AMPH: variants seen among roughly 807,000 people sequenced by gnomAD.
AMPH encodes amphiphysin (Stiff-Mann syndrome with breast cancer 128kD autoantigen).
A neutral mutation model predicts 99.1 loss-of-function variants in AMPH; 49 were observed. The ratio of observed to expected loss-of-function variants is 0.49; its 90% CI spans 0.39 to 0.63. AMPH has a LOEUF of 0.63. AMPH is among the 20% of genes least tolerant of loss of function. The probability of loss-of-function intolerance (pLI) is 0.00; values close to 1 mark genes in which losing one functional copy is unlikely to be tolerated. For missense variants in AMPH, 759 were observed against 863.4 expected (o/e 0.88, Z 1.52); for synonymous variants, 314 against 317.3 (o/e 0.99, Z 0.11).
chr7:38,582,894 C>A (rs1202492002), intron 1 of AMPH, among the ~76,000 whole-genome samples: 2 of 152,164 alleles, frequency 1.3e-5, no homozygotes, highest in Non-Finnish European at 2.9e-5. Flanking sequence ...ATGAATAAGA[C>A]CATCCTTCAC....
At chr7:38,514,608 G>A (rs1389541608) in intron 2 of AMPH, among the ~76,000 whole-genome samples, 1 of 152,154 alleles carries the variant, frequency 6.6e-6, no homozygotes, top group Non-Finnish European at 1.5e-5. Context: ...ATTATCATGT[G>A]AGTGGCCTAG....
At chr7:38,579,332 A>C (rs1239736304) in intron 1 of AMPH, among the ~76,000 whole-genome samples, 3 of 152,194 alleles carry the variant, frequency 2.0e-5, no homozygotes, top group Admixed American at 6.5e-5. Flanking sequence ...GGTCCAGTGG[A>C]AACATGGCCA....
chr7:38,491,420 C>A (rs1788714943), intron 4 of AMPH, among the ~76,000 whole-genome samples: 1 of 152,054 alleles, frequency 6.6e-6, no homozygotes, highest in South Asian at 2.1e-4. Context: ...TCAAAAGATC[C>A]CCATAACCCT....
At chr7:38,599,394 T>G (rs1793168777) in intron 1 of AMPH, among the ~76,000 whole-genome samples, 1 of 152,238 alleles carries the variant, frequency 6.6e-6, no homozygotes, top group Admixed American at 6.5e-5. Context: ...CCAATTCCAC[T>G]TAATGAATAG....
intron 17 of AMPH, among the ~76,000 whole-genome samples, chr7:38,413,077 C>G (rs1785260525): frequency 1.3e-5 from 2 of 152,208 alleles, no homozygotes; most frequent in South Asian, 4.1e-4. Context: ...TCACATGCTT[C>G]TGCTTATTTG....
At chr7:38,390,989 GAGAGAGAGAGAGAGAGAGAGAGAGA>G (rs1784474107) in intron 19 of AMPH, among the ~76,000 whole-genome samples, 1 of 60,494 alleles carries the variant, frequency 1.7e-5, no homozygotes, top group Non-Finnish European at 3.5e-5. Context: ...GAGAGAGAGA[GAGAGAGAGAGAGAGAGAGAGAGAGA>G]GAATGATACA....
chr7:38,503,499 G>GGA, intron 3 of AMPH, 151 bp downstream of exon 3: 1 of 546,646 alleles, frequency 1.8e-6, no homozygotes, highest in Non-Finnish European at 3.2e-6. Flanking sequence ...TTGGGGCGGG[G>GGA]GGGTGGGTGG....
At position 38,473,469 on chromosome 7, in the gene AMPH, C is replaced by T. The variant is rs1289824951; in HGVS notation, c.590+1862G>A. Among the ~76,000 whole-genome samples the T allele has an allele frequency of 4.5e-5, 3 of 66,148 alleles. 1 individual carries two copies. The highest frequency in any genetic ancestry group is 2.1e-4 in the African/African-American group (3 of 14,216). 43.4% of individuals were successfully genotyped at this position (66,148 alleles called of 152,430 possible). On this transcript the variant is annotated intron_variant, in intron 7 of 20. Transcript: ENST00000356264. ...CCTGTAATCCCAGCACTTTGGGAGGCCGAGGCGGGTGGATCATGAGGTCAG... is the reference window on the plus strand; with the variant it reads ...CCTGTAATCCCAGCACTTTGGGAGGTCGAGGCGGGTGGATCATGAGGTCAG...
At chr7:38,430,014 G>T in intron 13 of AMPH, 149 bp from the exon 14 acceptor site, 1 of 727,532 alleles carries the variant, frequency 1.4e-6, no homozygotes, top group South Asian at 2.6e-5. Flanking sequence ...TTTGTGATAG[G>T]AATGATTTTT....
intron 1 of AMPH, among the ~76,000 whole-genome samples, chr7:38,620,163 C>G (rs1794001416): frequency 6.6e-6 from 1 of 152,224 alleles, no homozygotes; most frequent in East Asian, 1.9e-4. Context: ...GCTGATTATT[C>G]CTAAGTCCAA....
In AMPH at chr7:38,438,163, A is replaced by T. The variant is rs560735166; in HGVS notation, c.1018-1775T>A. Among the ~76,000 whole-genome samples, 14 of 152,330 alleles carry T rather than the reference A, an allele frequency of 9.2e-5. No individual in the cohort carries two copies. In the South Asian group the frequency reaches 2.7e-3, roughly 29 times the overall value. ...GGAGTATGATAGGCACTGTTCGAAG[A>T]ACTTTACACATATGAACATTACCTC... On this transcript the variant is annotated intron_variant, in intron 11 of 20. Coordinates refer to ENST00000356264, the MANE Select transcript of AMPH (RefSeq NM_001635.4).
intron 15 of AMPH, 130 bp from the exon 16 acceptor site, chr7:38,422,607 T>TATCC (rs1381722810): frequency 5.6e-6 from 3 of 536,056 alleles, no homozygotes; most frequent in East Asian, 7.8e-5. Flanking sequence ...TCTATCCATC[T>TATCC]ATCTATCGAC....
At chr7:38,386,156 C>A (rs1784343254) in intron 20 of AMPH, among the ~76,000 whole-genome samples, 1 of 152,114 alleles carries the variant, frequency 6.6e-6, no homozygotes, top group Admixed American at 6.5e-5. Context: ...AAAAACGACT[C>A]AATAAAATAA....
rs1035384621 is a variant in AMPH at position 38,445,761 on chromosome 7, G to A, written c.1018-9373C>T. On this transcript the variant is annotated intron_variant, in intron 11 of 20. Transcript: ENST00000356264. ...ACACTAACCGATACGGTTTGGATTT[G>A]TGTCCCCACTCAAATCTCATGTCAA... Among the ~76,000 whole-genome samples, 5 of 152,298 alleles carry A rather than the reference G, an allele frequency of 3.3e-5. No homozygotes were observed. The South Asian group carries it at 1.0e-3, about 32-fold the overall frequency.
At chr7:38,411,058 G>A (rs1785202165) in intron 17 of AMPH, among the ~76,000 whole-genome samples, 1 of 152,196 alleles carries the variant, frequency 6.6e-6, no homozygotes, top group Non-Finnish European at 1.5e-5. Context: ...GAGTAGTCAG[G>A]AGATAGACAG....
intron 17 of AMPH, among the ~76,000 whole-genome samples, chr7:38,414,444 A>G (rs937167415): frequency 2.0e-5 from 3 of 152,226 alleles, no homozygotes; most frequent in East Asian, 1.9e-4. Context: ...AAAAAAGAAC[A>G]CTGGTATAAT....
At chr7:38,493,857 T>C (rs1054486756) in intron 4 of AMPH, among the ~76,000 whole-genome samples, 1 of 152,184 alleles carries the variant, frequency 6.6e-6, no homozygotes, top group Non-Finnish European at 1.5e-5. Flanking sequence ...AAATGGGCTG[T>C]TAAGGCTTGT....
At chr7:38,567,748 T>G (rs116185415) in intron 1 of AMPH, among the ~76,000 whole-genome samples, 1 of 152,098 alleles carries the variant, frequency 6.6e-6, no homozygotes, top group Non-Finnish European at 1.5e-5. Context: ...AAGCTCAAAT[T>G]GAAAATAATT....
intron 1 of AMPH, among the ~76,000 whole-genome samples, chr7:38,608,158 T>C (rs1793499919): frequency 1.3e-5 from 2 of 152,138 alleles, no homozygotes; most frequent in African/African-American, 2.4e-5. Context: ...TTTCTGTGGC[T>C]CTTCTTAGAA....
Sources: gnomAD v4.1 joint callset for allele counts (sites outside exome capture counted in the v4.1 genomes callset) on GRCh38, gnomAD v4.1.1 for gene constraint, MANE v1.5 for transcripts, NCBI Gene and HGNC (gene_info 2026-07-23, HGNC 2026-07-21) for gene names.